PTCHD4: variants seen among roughly 807,000 people sequenced by gnomAD.
PTCHD4 encodes the protein patched domain-containing protein 4.
In PTCHD4, 33 loss-of-function variants were observed where a neutral mutation model predicts 58.1. That is an observed-to-expected ratio of 0.57 (90% CI 0.43 to 0.76). PTCHD4 has a LOEUF of 0.76. Ranked by LOEUF, PTCHD4 falls within the 30% of genes least tolerant of loss-of-function variation. The probability of loss-of-function intolerance (pLI) is 0.00; values close to 1 mark genes in which losing one functional copy is unlikely to be tolerated. For synonymous variants in PTCHD4, 478 were observed against 409.6 expected (o/e 1.17, Z -2.02); for missense variants, 1,058 against 1,027.1 (o/e 1.03, Z -0.41).
At chr6:48,042,140 C>G (rs1041179369) in intron 3 of PTCHD4, among the ~76,000 whole-genome samples, 2 of 151,978 alleles carry the variant, frequency 1.3e-5, no homozygotes, top group Non-Finnish European at 2.9e-5. Flanking sequence ...ATGCTTTGTT[C>G]TCTTCACATT....
chr6:47,864,547 G>A lies in PTCHD4; in HGVS notation c.*13756C>T, dbSNP rs2114064591. Among the ~76,000 whole-genome samples, 1 of 151,960 alleles carries A rather than the reference G, an allele frequency of 6.6e-6. No individual in the cohort carries two copies. Among genetic ancestry groups the A allele is most frequent in the South Asian group, 2.1e-4 (1 of 4,822 alleles). On this transcript the variant is annotated 3_prime_UTR_variant, in exon 5 of 5. Transcript: ENST00000339488. ...ACCTGGTGAAAGCCATGACCCAAAGGGCATCGCATAAAGCTACGTGGATGA... is the reference window on the plus strand; with the variant it reads ...ACCTGGTGAAAGCCATGACCCAAAGAGCATCGCATAAAGCTACGTGGATGA...
At chr6:48,001,219 C>A (rs1410061198) in intron 4 of PTCHD4, among the ~76,000 whole-genome samples, 3 of 152,180 alleles carry the variant, frequency 2.0e-5, no homozygotes, top group Non-Finnish European at 2.9e-5. Context: ...CCCCATCAAG[C>A]TACCAATGAC....
Position 47,934,356 on chromosome 6 carries a change from G to A in PTCHD4, c.899-54420C>T, listed in dbSNP as rs59306382. On this transcript the variant is annotated intron_variant, in intron 4 of 4. Coordinates refer to ENST00000339488, the MANE Select transcript of PTCHD4 (RefSeq NM_001384253.1). The stretch of plus-strand genomic sequence containing the variant: ...AAATTGTCTGCAAGCCTGAATTTTC[G>A]TGGCCATGGAACAAAGAACCCCATC... Among the ~76,000 whole-genome samples the A allele has an allele frequency of 8.6e-5, 13 of 152,024 alleles. No homozygotes were observed. The East Asian group carries it at 1.9e-3, about 23-fold the overall frequency.
At chr6:47,889,999 T>C (rs1201560820) in intron 4 of PTCHD4, among the ~76,000 whole-genome samples, 1 of 152,068 alleles carries the variant, frequency 6.6e-6, no homozygotes, top group African/African-American at 2.4e-5. Context: ...TAGTTCTATG[T>C]AGTATAAAAA....
chr6:48,089,751 C>T (rs1030076029), intron 1 of PTCHD4, among the ~76,000 whole-genome samples: 4 of 152,134 alleles, frequency 2.6e-5, no homozygotes, highest in African/African-American at 9.7e-5. Flanking sequence ...TTATCAATTG[C>T]ATTTGAAATT....
intron 4 of PTCHD4, among the ~76,000 whole-genome samples, chr6:47,935,017 C>A (rs1379545819): frequency 6.6e-6 from 1 of 152,016 alleles, no homozygotes; most frequent in African/African-American, 2.4e-5. Context: ...TGAAAAATAT[C>A]TTATGTTACT....
intron 3 of PTCHD4, among the ~76,000 whole-genome samples, chr6:48,037,348 T>C (rs1433468738): frequency 6.6e-6 from 1 of 152,214 alleles, no homozygotes; most frequent in Non-Finnish European, 1.5e-5. Context: ...GGTTTGGTAC[T>C]GTCTGACGTT....
chr6:47,992,063 A>G (rs891340606), intron 4 of PTCHD4, among the ~76,000 whole-genome samples: 2 of 152,158 alleles, frequency 1.3e-5, no homozygotes, highest in African/African-American at 2.4e-5. Context: ...ACATTCAACT[A>G]TACACAATTT....
intron 3 of PTCHD4, among the ~76,000 whole-genome samples, chr6:48,045,723 G>C (rs955200531): frequency 6.6e-6 from 1 of 151,176 alleles, no homozygotes; most frequent in Non-Finnish European, 1.5e-5. Flanking sequence ...CAGCTATAAA[G>C]TAACAAGGCC....
In PTCHD4 at chr6:47,878,203, GT is replaced by G; in HGVS notation, c.*99del. 9.4e-7 allele frequency: 1 copy of G among 1,064,442 alleles called. No homozygotes were observed. The highest frequency in any genetic ancestry group is 1.6e-5 in the African/African-American group (1 of 62,678). The allele number at this position is 1,064,442 out of a possible 1,614,324, so 65.9% of individuals were successfully genotyped here. The stretch of plus-strand genomic sequence containing the variant: ...ATGCACTCTTGATCTGACTTGCCTT[GT>G]TACCCCTGGCCAGCCCAAGCAGCTG... On this transcript the variant is annotated 3_prime_UTR_variant, in exon 5 of 5. Coordinates refer to ENST00000339488, the MANE Select transcript of PTCHD4 (RefSeq NM_001384253.1).
At chr6:48,090,743 A>C (rs1220234319) in intron 1 of PTCHD4, among the ~76,000 whole-genome samples, 1 of 152,236 alleles carries the variant, frequency 6.6e-6, no homozygotes, top group Admixed American at 6.5e-5. Flanking sequence ...GCTGGGCTCC[A>C]TAAATGTTCA....
At chr6:47,977,739 C>A (rs1435515603) in intron 4 of PTCHD4, among the ~76,000 whole-genome samples, 4 of 152,022 alleles carry the variant, frequency 2.6e-5, no homozygotes, top group Non-Finnish European at 4.4e-5. Context: ...TTTCTTCTGA[C>A]AATAAAAGAA....
In PTCHD4 at chr6:47,876,032, G is replaced by A. The variant is rs1561932925; in HGVS notation, c.*2271C>T. Among the ~76,000 whole-genome samples the A allele has an allele frequency of 6.6e-6, 1 of 151,414 alleles. No homozygotes were observed. Among genetic ancestry groups the A allele is most frequent in the Non-Finnish European group, 1.5e-5 (1 of 67,756 alleles). ...CCATATCAAATCTTTACAAATGATG[G>A]GTAATCTGTAAGAGGAATTCTCCTC... is the stretch of plus-strand genomic sequence containing the variant. On this transcript the variant is annotated 3_prime_UTR_variant, in exon 5 of 5. Transcript: ENST00000339488.
chr6:47,927,872 C>A (rs556551463), intron 4 of PTCHD4, among the ~76,000 whole-genome samples: 1 of 151,906 alleles, frequency 6.6e-6, no homozygotes, highest in East Asian at 1.9e-4. Context: ...ATCCATCTGC[C>A]TCGGCCTTCT....
chr6:48,017,912 A>G (rs1762921616), intron 3 of PTCHD4, among the ~76,000 whole-genome samples: 1 of 152,234 alleles, frequency 6.6e-6, no homozygotes, highest in African/African-American at 2.4e-5. Context: ...CCCAAACTCA[A>G]CACTGACAAG....
Position 47,862,215 on chromosome 6 carries a change from A to T in PTCHD4, c.*16088T>A, listed in dbSNP as rs1763447049. On this transcript the variant is annotated 3_prime_UTR_variant, in exon 5 of 5. Coordinates refer to ENST00000339488, the MANE Select transcript of PTCHD4 (RefSeq NM_001384253.1). Reference sequence around the variant, plus strand: ...TTTTTAATGAATTATCGGTTTTGCCAATCATTACTTTTGTTGCATTATGGC... The same window carrying T: ...TTTTTAATGAATTATCGGTTTTGCCTATCATTACTTTTGTTGCATTATGGC... Among the ~76,000 whole-genome samples the T allele has an allele frequency of 6.8e-6, 1 of 147,524 alleles. No homozygotes were observed. Among genetic ancestry groups the T allele is most frequent in the African/African-American group, 2.5e-5 (1 of 40,348 alleles).
At chr6:47,968,242 A>G (rs778028975) in intron 4 of PTCHD4, among the ~76,000 whole-genome samples, 1 of 152,164 alleles carries the variant, frequency 6.6e-6, no homozygotes, top group Non-Finnish European at 1.5e-5. Context: ...AGGCTGGTCA[A>G]TGGGGCAGTC....
intron 3 of PTCHD4, among the ~76,000 whole-genome samples, chr6:48,038,287 A>G (rs1025861737): frequency 1.3e-5 from 2 of 152,132 alleles, no homozygotes; most frequent in Admixed American, 6.6e-5. Context: ...CACAGAAAAC[A>G]GGAGTACCAG....
rs181861374 is a variant in PTCHD4 at position 47,926,438 on chromosome 6, T to C, written c.899-46502A>G. Among the ~76,000 whole-genome samples, 10 of 152,320 alleles carry C rather than the reference T, an allele frequency of 6.6e-5. No homozygotes were observed. In the East Asian group the frequency reaches 1.5e-3, roughly 24 times the overall value. ...AAAGAGTAGGTGATGCATAAAATAC[T>C]TTATGCATTGCTACTCAAAGTGTGT... On this transcript the variant is annotated intron_variant, in intron 4 of 4. Coordinates refer to ENST00000339488, the MANE Select transcript of PTCHD4 (RefSeq NM_001384253.1).
Sources: gnomAD v4.1 joint callset for allele counts (sites outside exome capture counted in the v4.1 genomes callset) on GRCh38, gnomAD v4.1.1 for gene constraint, MANE v1.5 for transcripts, NCBI Gene and HGNC (gene_info 2026-07-23, HGNC 2026-07-21) for gene names.